Variants in CAST observed in about 807,000 individuals in gnomAD.
The protein encoded by CAST is calpastatin.
CAST carries 76 observed loss-of-function variants against 119.6 expected under a neutral mutation model. The ratio of observed to expected loss-of-function variants is 0.64; its 90% CI spans 0.53 to 0.77. The LOEUF is 0.77. Ranked by LOEUF, CAST falls within the 30% of genes least tolerant of loss-of-function variation. The pLI is 0.00. For synonymous variants in CAST, 319 were observed against 331.6 expected, an observed-to-expected ratio of 0.96 and a Z score of 0.41; for missense variants, 953 against 946.5, an observed-to-expected ratio of 1.01 and a Z score of -0.09.
intron 1 of CAST, among the ~76,000 whole-genome samples, chr5:96,606,254 A>G (rs1377180102): frequency 6.6e-6 from 1 of 152,198 alleles, no homozygotes; most frequent in Non-Finnish European, 1.5e-5. Flanking sequence ...GGCAGAACAG[A>G]GAAATGGGAA....
upstream of CAST, among the ~76,000 whole-genome samples, chr5:96,660,032 AG>A (rs1192629321): frequency 6.6e-6 from 1 of 152,178 alleles, no homozygotes; most frequent in Non-Finnish European, 1.5e-5. Flanking sequence ...CCTGAAGGTT[AG>A]GGTTATTACC....
the CAST span, among the ~76,000 whole-genome samples, chr5:96,118,224 T>TC: frequency 1.5e-5 from 2 of 137,624 alleles, no homozygotes; most frequent in Non-Finnish European, 3.0e-5. Flanking sequence ...TTTCTCTCTC[T>TC]TTTTTTTTTT....
At chr5:96,342,885 G>T in the CAST span, among the ~76,000 whole-genome samples, 1 of 152,024 alleles carries the variant, frequency 6.6e-6, no homozygotes, top group Non-Finnish European at 1.5e-5. Context: ...GTGCATTTTT[G>T]GTACCGCATA....
intron 1 of CAST, among the ~76,000 whole-genome samples, chr5:96,530,843 G>T (rs1745677383): frequency 6.6e-6 from 1 of 152,132 alleles, no homozygotes; most frequent in African/African-American, 2.4e-5. Context: ...CCAGGCTGGA[G>T]TACAGTGGCA....
rs1227738644 is a variant in CAST at position 96,560,834 on chromosome 5, C to T, written c.60+30954C>T. 5.3e-5 allele frequency among the ~76,000 whole-genome samples: 8 copies of T among 152,266 alleles called. No individual in the cohort carries two copies. In the East Asian group the frequency reaches 1.5e-3, roughly 29 times the overall value. On this transcript the variant is annotated intron_variant, in intron 1 of 11. Transcript: ENST00000505143. ...CTGGAACTAGAAATACCATTTGACC[C>T]AGCCATCCCATTACTGGGTATATAC... is the stretch of plus-strand genomic sequence containing the variant.
the CAST span, among the ~76,000 whole-genome samples, chr5:96,364,229 G>T: frequency 6.6e-6 from 1 of 152,120 alleles, no homozygotes; most frequent in South Asian, 2.1e-4. Flanking sequence ...GCTGGATTTG[G>T]TTTGGCAGTA....
At chr5:96,024,430 T>C in the CAST span, among the ~76,000 whole-genome samples, 1 of 152,216 alleles carries the variant, frequency 6.6e-6, no homozygotes, top group Non-Finnish European at 1.5e-5. Context: ...AATGTGGCAG[T>C]GATATTTGTA....
At chr5:96,198,779 A>G in the CAST span, among the ~76,000 whole-genome samples, 2 of 152,194 alleles carry the variant, frequency 1.3e-5, no homozygotes, top group Non-Finnish European at 2.9e-5. Context: ...GTTTGACAAG[A>G]CATCATTCCC....
intron 3 of CAST, among the ~76,000 whole-genome samples, chr5:96,713,101 T>C (rs1456479479): frequency 6.6e-6 from 1 of 151,748 alleles, no homozygotes; most frequent in African/African-American, 2.4e-5. Flanking sequence ...AAAGGCTTTC[T>C]GGATGATTGT....
intron 2 of CAST, among the ~76,000 whole-genome samples, chr5:96,686,805 T>C (rs1239837666): frequency 1.3e-5 from 2 of 152,186 alleles, no homozygotes; most frequent in Non-Finnish European, 2.9e-5. Context: ...TGTTACTTGT[T>C]AAACAATAGT....
chr5:96,106,472 C>T, the CAST span, among the ~76,000 whole-genome samples: 2 of 152,128 alleles, frequency 1.3e-5, no homozygotes, highest in East Asian at 3.9e-4. Context: ...GCCTTCATTT[C>T]ATTATGTACC....
At chr5:96,195,275 G>A in the CAST span, among the ~76,000 whole-genome samples, 2 of 152,194 alleles carry the variant, frequency 1.3e-5, no homozygotes, top group Non-Finnish European at 2.9e-5. Context: ...GTGAGTTGGA[G>A]GTTGGAATAA....
At chr5:96,772,319 G>A (rs1019274854) in intron 31 of CAST, 1 of 153,414 alleles carries the variant, frequency 6.5e-6, no homozygotes, top group Non-Finnish European at 1.5e-5. Flanking sequence ...AAAGGAGAGG[G>A]CTTAATGTAA....
chr5:96,728,976 T>A, intron 6 of CAST, 177 bp from the exon 7 acceptor site: 1 of 576,970 alleles, frequency 1.7e-6, no homozygotes, highest in Non-Finnish European at 3.1e-6. Context: ...AGGGTTACTA[T>A]TGACCTGATA....
chr5:96,421,861 C>A, the CAST span: 1 of 1,296,714 alleles, frequency 7.7e-7, no homozygotes, highest in Admixed American at 1.7e-5. Flanking sequence ...TTATTTCACA[C>A]AAATGCATAT....
At chr5:96,109,406 G>A in the CAST span, among the ~76,000 whole-genome samples, 3 of 152,190 alleles carry the variant, frequency 2.0e-5, no homozygotes, top group Non-Finnish European at 4.4e-5. Flanking sequence ...ACCAAATTGT[G>A]TAATGAAAGC....
chr5:96,069,993 A>G, the CAST span, among the ~76,000 whole-genome samples: 2 of 152,146 alleles, frequency 1.3e-5, no homozygotes, highest in Non-Finnish European at 2.9e-5. Context: ...CTCTACAAAA[A>G]TAAACCAGGG....
At position 96,741,363 on chromosome 5, in the gene CAST, T is replaced by G. The variant is rs1561557437; in HGVS notation, c.1011+5T>G. 1.3e-6 allele frequency: 2 copies of G among 1,588,494 alleles called. No homozygotes were observed. The highest frequency in any genetic ancestry group is 1.7e-6 in the Non-Finnish European group (2 of 1,156,932). Reference sequence around the variant, plus strand: ...GGAAAGAAAACTGAAAAAGAGGTATTGTTTTTAGTGTTGTTAAGGGAAACT... The same window carrying G: ...GGAAAGAAAACTGAAAAAGAGGTATGGTTTTTAGTGTTGTTAAGGGAAACT... On this transcript the variant is annotated splice_donor_5th_base_variant and intron_variant, in intron 14 of 31. Transcript: ENST00000675179.
chr5:96,680,366 AAAAAAAAAAAAAAGAAG>A (rs1005160197), intron 2 of CAST, among the ~76,000 whole-genome samples: 2 of 136,620 alleles, frequency 1.5e-5, no homozygotes, highest in African/African-American at 2.9e-5. Flanking sequence ...AAAAAAAAAA[AAAAAAAAAAAAAAGAAG>A]AAGAAGAAAA....
Sources: allele counts gnomAD v4.1 joint callset (sites outside exome capture counted in the v4.1 genomes callset), GRCh38; gene constraint gnomAD v4.1.1; transcripts MANE v1.5; gene names NCBI Gene and HGNC (gene_info 2026-07-23, HGNC 2026-07-21).